RALGPS2: variants seen among roughly 807,000 people sequenced by gnomAD.
The protein encoded by RALGPS2 is Ral GEF with PH domain and SH3 binding motif 2, also known as ras-specific guanine nucleotide-releasing factor RalGPS2.
RALGPS2 carries 43 observed loss-of-function variants against 86.8 expected under a neutral mutation model. That is an observed-to-expected ratio of 0.50 (90% CI 0.39 to 0.64). The LOEUF (loss-of-function observed/expected upper bound fraction) is 0.64, where lower values mean the gene tolerates loss of function less well. Ranked by LOEUF, RALGPS2 falls within the 30% of genes least tolerant of loss-of-function variation. The probability of loss-of-function intolerance (pLI) is 0.00; values close to 1 mark genes in which losing one functional copy is unlikely to be tolerated. For missense variants in RALGPS2, 536 were observed against 694.6 expected (o/e 0.77, Z 2.57); for synonymous variants, 243 against 231.3 (o/e 1.05, Z -0.46).
chr1:178,828,074 G>A (rs1655837410), intron 7 of RALGPS2, among the ~76,000 whole-genome samples: 1 of 152,162 alleles, frequency 6.6e-6, no homozygotes, highest in African/African-American at 2.4e-5. Context: ...TTTTGGCTAT[G>A]ACCCCAAAAG....
chr1:178,803,762 T>G (rs1385977644), intron 4 of RALGPS2, among the ~76,000 whole-genome samples: 1 of 152,212 alleles, frequency 6.6e-6, no homozygotes, highest in African/African-American at 2.4e-5. Context: ...AAAAGGCAGT[T>G]TTTATCTCCA....
At chr1:178,846,922 T>G (rs1004793468) in intron 8 of RALGPS2, among the ~76,000 whole-genome samples, 1 of 152,178 alleles carries the variant, frequency 6.6e-6, no homozygotes, top group Admixed American at 6.5e-5. Flanking sequence ...ATAACAGCAG[T>G]TTTATAAGGT....
intron 16 of RALGPS2, among the ~76,000 whole-genome samples, chr1:178,896,380 A>C (rs931293254): frequency 1.3e-5 from 2 of 151,982 alleles, no homozygotes; most frequent in Non-Finnish European, 2.9e-5. Flanking sequence ...AGTACTATTA[A>C]GGTTCATTTG....
intron 8 of RALGPS2, among the ~76,000 whole-genome samples, chr1:178,839,017 A>T (rs888205835): frequency 6.6e-6 from 1 of 152,246 alleles, no homozygotes; most frequent in African/African-American, 2.4e-5. Flanking sequence ...CTATGTGAAA[A>T]GACCAAACCT....
chr1:178,914,524 A>G (rs1018580324), intron 19 of RALGPS2, among the ~76,000 whole-genome samples: 5 of 150,908 alleles, frequency 3.3e-5, no homozygotes, highest in African/African-American at 1.2e-4. Context: ...CTCTCCACCC[A>G]CTCTCAGAAA....
At chr1:178,865,451 T>G in intron 8 of RALGPS2, 1 of 1,614,060 alleles carries the variant, frequency 6.2e-7, no homozygotes, top group African/African-American at 1.3e-5. Context: ...AATGTTTCCA[T>G]CTACATCCAC....
chr1:178,756,051 A>G (rs2102054699), intron 1 of RALGPS2, among the ~76,000 whole-genome samples: 1 of 152,152 alleles, frequency 6.6e-6, no homozygotes, highest in Non-Finnish European at 1.5e-5. Context: ...TACATTCCTT[A>G]TAAATTTTGG....
intron 2 of RALGPS2, among the ~76,000 whole-genome samples, chr1:178,780,989 T>G (rs1165853452): frequency 6.6e-6 from 1 of 151,912 alleles, no homozygotes; most frequent in African/African-American, 2.4e-5. Context: ...TTTGTATATT[T>G]ATAACCATAT....
rs1285992888 is a variant in RALGPS2 at position 178,892,642 on chromosome 1, G to A, written c.1325+335G>A. ...AAATCTGCTTCTTTATTCATAAGTT[G>A]TAATCAAAGCATTTTCTTTGCTAAT... On this transcript the variant is annotated intron_variant, in intron 15 of 19. Transcript: ENST00000367635. Among the ~76,000 whole-genome samples the A allele has an allele frequency of 3.9e-5, 6 of 152,106 alleles. No homozygotes were observed. The East Asian group carries it at 1.2e-3, about 30-fold the overall frequency.
chr1:178,779,631 G>A (rs1338068893), intron 2 of RALGPS2, among the ~76,000 whole-genome samples: 1 of 152,146 alleles, frequency 6.6e-6, no homozygotes, highest in Admixed American at 6.5e-5. Flanking sequence ...TTACTGTTCT[G>A]CTCCACAACC....
chr1:178,747,266 T>C, intron 1 of RALGPS2: 4 of 1,509,372 alleles, frequency 2.7e-6, no homozygotes, highest in Non-Finnish European at 3.7e-6. Flanking sequence ...AAACAAGAAA[T>C]TGAGAAATGA....
intron 1 of RALGPS2, among the ~76,000 whole-genome samples, chr1:178,733,330 G>T (rs1438874805): frequency 6.6e-6 from 1 of 152,122 alleles, no homozygotes; most frequent in Non-Finnish European, 1.5e-5. Flanking sequence ...TCTGTCAGAG[G>T]ACTTATATAT....
At chr1:178,825,255 A>G (rs1655695330) in intron 7 of RALGPS2, among the ~76,000 whole-genome samples, 1 of 152,166 alleles carries the variant, frequency 6.6e-6, no homozygotes. Context: ...TTGTACCAGA[A>G]GGGTTAAGGG....
At chr1:178,847,121 T>C (rs1380344771) in intron 8 of RALGPS2, among the ~76,000 whole-genome samples, 1 of 152,228 alleles carries the variant, frequency 6.6e-6, no homozygotes, top group East Asian at 1.9e-4. Flanking sequence ...TGTGTACAAT[T>C]ATAACTTGAT....
At chr1:178,848,345 CCTT>C (rs1425586139) in intron 8 of RALGPS2, among the ~76,000 whole-genome samples, 11 of 151,866 alleles carry the variant, frequency 7.2e-5, no homozygotes. Flanking sequence ...GTAAAAGAAT[CCTT>C]CTATAAACCA....
intron 8 of RALGPS2, 108 bp downstream of exon 8, chr1:178,833,658 A>G: frequency 7.0e-7 from 1 of 1,434,508 alleles, no homozygotes; most frequent in Non-Finnish European, 9.1e-7. Context: ...TTTTAAATAA[A>G]TTACTTCAAG....
intron 1 of RALGPS2, among the ~76,000 whole-genome samples, chr1:178,767,358 CT>C (rs1159630163): frequency 0.085 from 6,013 of 70,558 alleles, 94 homozygotes; most frequent in African/African-American, 0.21. Context: ...TGTCCTTTGG[CT>C]TTTTTTTTTT....
At position 178,791,728 on chromosome 1, in the gene RALGPS2, G is replaced by A. The variant is rs111608811; in HGVS notation, c.213+6121G>A. ...ATGGAATTCTGCATTTTCAACTCTC[G>A]TATGTCAAACAGAATTTAGCTAAAC... On this transcript the variant is annotated intron_variant, in intron 4 of 19. Coordinates refer to ENST00000367635, the MANE Select transcript of RALGPS2 (RefSeq NM_152663.5). Among the ~76,000 whole-genome samples, 1,048 of 152,098 alleles carry A rather than the reference G, an allele frequency of 6.9e-3. 7 individuals carry two copies. The highest frequency in any genetic ancestry group is 0.017 in the African/African-American group (720 of 41,462).
chr1:178,812,031 C>T (rs1655009482), intron 6 of RALGPS2, among the ~76,000 whole-genome samples: 1 of 152,046 alleles, frequency 6.6e-6, no homozygotes, highest in Non-Finnish European at 1.5e-5. Context: ...CTTCCCTCTC[C>T]ATCATGAAGG....
Sources: gnomAD v4.1 joint callset for allele counts (sites outside exome capture counted in the v4.1 genomes callset) on GRCh38, gnomAD v4.1.1 for gene constraint, MANE v1.5 for transcripts, NCBI Gene and HGNC (gene_info 2026-07-23, HGNC 2026-07-21) for gene names.